Variants in FRAS1 observed in about 807,000 individuals in gnomAD.
FRAS1 encodes Fraser extracellular matrix complex subunit 1.
A neutral mutation model predicts 435.2 loss-of-function variants in FRAS1; 290 were observed. The ratio of observed to expected loss-of-function variants is 0.67; its 90% CI spans 0.61 to 0.73. FRAS1 has a LOEUF of 0.73. Among genes scored for constraint, FRAS1 ranks in the 30% least tolerant of loss-of-function variants. The pLI is 0.00. For missense variants in FRAS1, 4,860 were observed against 5,001.5 expected (o/e 0.97, Z 0.85); for synonymous variants, 1,800 against 1,851.0 (o/e 0.97, Z 0.71).
At position 78,267,323 on chromosome 4, in the gene FRAS1, T is replaced by C. The variant is rs781136423; in HGVS notation, c.872T>C (p.Val291Ala). Residue 291 changes from valine (V) to alanine (A), a missense_variant, in exon 9 of 74, where the codon GTG becomes GCG. Coordinates refer to ENST00000512123, the MANE Select transcript of FRAS1 (RefSeq NM_025074.7). ...GGGAGCTGCTCCTATGATGGAGTTG[T>C]GCGGTACCAGGACGAAATGTGGAAG... Reference protein sequence around the residue: ...PAGSCSYDGVVRYQDEMWKGS... With the variant: ...PAGSCSYDGVARYQDEMWKGS... 3.7e-6 allele frequency: 6 copies of C among 1,613,858 alleles called. No individual in the cohort carries two copies. In the East Asian group the frequency reaches 1.3e-4, roughly 36 times the overall value.
At chr4:78,127,406 G>A (rs1482207318) in intron 2 of FRAS1, among the ~76,000 whole-genome samples, 1 of 152,096 alleles carries the variant, frequency 6.6e-6, no homozygotes, top group African/African-American at 2.4e-5. Context: ...TAGATTTGTG[G>A]GTTTATAAAG....
intron 2 of FRAS1, among the ~76,000 whole-genome samples, chr4:78,125,147 C>T (rs1383050507): frequency 6.6e-6 from 1 of 152,202 alleles, no homozygotes; most frequent in East Asian, 1.9e-4. Flanking sequence ...TTTCCCTCTA[C>T]ACACTGCTTT....
chr4:78,284,906 C>T (rs943837885), intron 13 of FRAS1, among the ~76,000 whole-genome samples: 2 of 152,268 alleles, frequency 1.3e-5, no homozygotes, highest in South Asian at 4.1e-4. Context: ...CTCAATTAAT[C>T]CGGGATAGAA....
Position 78,143,739 on chromosome 4 carries a change from T to TA in FRAS1, c.108+77725dup, listed in dbSNP as rs71661150. 1.2e-3 allele frequency among the ~76,000 whole-genome samples: 133 copies of TA among 111,016 alleles called. 1 individual carries two copies. Among genetic ancestry groups the TA allele is most frequent in the South Asian group, 5.9e-3 (22 of 3,756 alleles). 72.8% of individuals were successfully genotyped at this position (111,016 alleles called of 152,430 possible). A position where few individuals can be genotyped will look rare whatever the true frequency, so the allele number is the denominator to read the frequency against. ...GATGAGACCCTGTCTCTACTAAAAA[T>TA]AATAAAAAAAAAAAAATAGCTAAGT... On this transcript the variant is annotated intron_variant, in intron 2 of 73. Coordinates refer to ENST00000512123, the MANE Select transcript of FRAS1 (RefSeq NM_025074.7).
At chr4:78,235,037 G>C (rs1228868389) in intron 2 of FRAS1, among the ~76,000 whole-genome samples, 1 of 152,212 alleles carries the variant, frequency 6.6e-6, no homozygotes, top group African/African-American at 2.4e-5. Context: ...CAGGTCAGCA[G>C]TCTGGGAACT....
intron 5 of FRAS1, among the ~76,000 whole-genome samples, chr4:78,254,818 G>A (rs1448107818): frequency 1.3e-5 from 2 of 152,040 alleles, no homozygotes; most frequent in Non-Finnish European, 2.9e-5. Context: ...TTTTTTAGTT[G>A]CTATTTAATG....
At chr4:78,275,586 C>G (rs1726968574) in intron 9 of FRAS1, among the ~76,000 whole-genome samples, 1 of 152,130 alleles carries the variant, frequency 6.6e-6, no homozygotes, top group African/African-American at 2.4e-5. Flanking sequence ...CTTAGTTTGG[C>G]TGGATATGAA....
chr4:78,346,136 G>A (rs1253815351), intron 20 of FRAS1, among the ~76,000 whole-genome samples: 1 of 152,168 alleles, frequency 6.6e-6, no homozygotes, highest in Non-Finnish European at 1.5e-5. Context: ...AAACTGCTAA[G>A]GCTACATTTA....
chr4:78,441,197 C>A lies in FRAS1; in HGVS notation c.5565C>A (p.His1855Gln), dbSNP rs777341940. 6.2e-7 allele frequency: 1 copy of A among 1,613,806 alleles called. No individual in the cohort carries two copies. Among genetic ancestry groups the A allele is most frequent in the Non-Finnish European group, 8.5e-7 (1 of 1,179,780 alleles). The change falls in exon 41 of 74, where the codon CAC becomes CAA. Residue 1855 changes from histidine (H) to glutamine (Q), a missense_variant. His to Gln is a conservative substitution (Grantham distance 24). Coordinates refer to ENST00000512123, the MANE Select transcript of FRAS1 (RefSeq NM_025074.7). Reference sequence around the variant, plus strand: ...GAGGGAGAGCACCACTCTCATTTCACCATTTTTTTGCTACTGATGATGATG... The same window carrying A: ...GAGGGAGAGCACCACTCTCATTTCAACATTTTTTTGCTACTGATGATGATG... ...DEGGRAPLSF[H>Q]HFFATDDDDN...
In FRAS1 at chr4:78,441,290, AG is replaced by A; in HGVS notation, c.5660del (p.Gly1887GlufsTer14). ...CCAAATATGGCTGCATTGAGAACAC[AG>A]GAACAGGTACTACTTCCTGTAAAAC... ...LPKYGCIENT[G>X]TGDRFGPETA... On this transcript the variant is annotated frameshift_variant, in exon 41 of 74. Coordinates refer to ENST00000512123, the MANE Select transcript of FRAS1 (RefSeq NM_025074.7). LOFTEE classifies it high-confidence loss of function. 1 of 1,611,672 alleles carries A rather than the reference AG, an allele frequency of 6.2e-7. No homozygotes were observed. Among genetic ancestry groups the A allele is most frequent in the Non-Finnish European group, 8.5e-7 (1 of 1,178,794 alleles).
intron 41 of FRAS1, among the ~76,000 whole-genome samples, chr4:78,442,178 C>T (rs577560070): frequency 1.3e-5 from 2 of 152,346 alleles, no homozygotes; most frequent in East Asian, 3.9e-4. Flanking sequence ...AGTTTTGGAT[C>T]CTTTTCCCAT....
rs192450988 is a variant in FRAS1, at chr4:78,443,044, T to A, written c.5665+1747T>A. Among the ~76,000 whole-genome samples, 639 of 152,292 alleles carry A rather than the reference T, an allele frequency of 4.2e-3. 1 individual carries two copies. Among genetic ancestry groups the A allele is most frequent in the Non-Finnish European group, 7.3e-3 (497 of 68,022 alleles). On this transcript the variant is annotated intron_variant, in intron 41 of 73. Transcript: ENST00000512123. ...CTCCGCCTCTGTTTAGAGCTGAGTG[T>A]GACTTATGTATAAGAAACTAGCAGC... is the stretch of plus-strand genomic sequence containing the variant.
chr4:78,143,968 T>C (rs927854857), intron 2 of FRAS1, among the ~76,000 whole-genome samples: 2 of 149,204 alleles, frequency 1.3e-5, no homozygotes, highest in Non-Finnish European at 3.0e-5. Flanking sequence ...GAAATTAAGC[T>C]AGAAATCAAT....
At chr4:78,189,819 A>G (rs1359550218) in intron 2 of FRAS1, among the ~76,000 whole-genome samples, 3 of 152,130 alleles carry the variant, frequency 2.0e-5, no homozygotes, top group Non-Finnish European at 4.4e-5. Context: ...TTCCCAATCA[A>G]TTTCTTCCAA....
intron 2 of FRAS1, among the ~76,000 whole-genome samples, chr4:78,161,845 T>C (rs1036942130): frequency 6.6e-6 from 1 of 151,570 alleles, no homozygotes; most frequent in Non-Finnish European, 1.5e-5. Flanking sequence ...CCTTATGCCT[T>C]CATCTGCAAA....
chr4:78,489,762 A>C (rs1020591395), intron 59 of FRAS1, among the ~76,000 whole-genome samples: 1 of 152,152 alleles, frequency 6.6e-6, no homozygotes, highest in African/African-American at 2.4e-5. Flanking sequence ...AAACTATGTT[A>C]GAGATGAATA....
chr4:78,267,581 C>A (rs917323226), intron 9 of FRAS1, 149 bp downstream of exon 9: 5 of 720,400 alleles, frequency 6.9e-6, no homozygotes, highest in Non-Finnish European at 1.1e-5. Context: ...GTAAAGCTTC[C>A]GTGGTATAAA....
chr4:78,078,281 C>T (rs1241190011), intron 2 of FRAS1, among the ~76,000 whole-genome samples: 3 of 152,170 alleles, frequency 2.0e-5, no homozygotes, highest in Non-Finnish European at 1.5e-5. Context: ...CCTTTGGGCA[C>T]ATTCCTTAGC....
At chr4:78,121,566 T>G (rs1719025692) in intron 2 of FRAS1, among the ~76,000 whole-genome samples, 1 of 152,194 alleles carries the variant, frequency 6.6e-6, no homozygotes, top group Non-Finnish European at 1.5e-5. Flanking sequence ...CTTAATATAG[T>G]GCAGGAATTA....
Sources: gnomAD v4.1 joint callset for allele counts (sites outside exome capture counted in the v4.1 genomes callset) on GRCh38, gnomAD v4.1.1 for gene constraint, MANE v1.5 for transcripts, NCBI Gene and HGNC (gene_info 2026-07-23, HGNC 2026-07-21) for gene names.